The following EHMT1 variants were observed in gnomAD, a reference collection of about 807,000 sequenced individuals.
EHMT1 encodes the protein euchromatic histone lysine methyltransferase 1, also known as histone-lysine N-methyltransferase EHMT1.
EHMT1 carries 15 observed loss-of-function variants against 147.2 expected under a neutral mutation model. The observed-to-expected ratio is 0.10, with a 90% CI of 0.07 to 0.16. EHMT1 has a LOEUF of 0.16. Ranked by LOEUF, EHMT1 falls within the 10% of genes least tolerant of loss-of-function variation. The pLI is 1.00. For missense variants in EHMT1, 1,587 were observed against 1,772.4 expected (o/e 0.90, Z 1.88); for synonymous variants, 795 against 709.6 (o/e 1.12, Z -1.91).
At chr9:137,767,586 G>T (rs1950297027) in intron 10 of EHMT1, among the ~76,000 whole-genome samples, 1 of 152,198 alleles carries the variant, frequency 6.6e-6, no homozygotes, top group Non-Finnish European at 1.5e-5. Context: ...GCTGAGGTGG[G>T]TGGATTGCTT....
intron 18 of EHMT1, among the ~76,000 whole-genome samples, chr9:137,804,998 G>A (rs1431313449): frequency 6.6e-6 from 1 of 151,880 alleles, no homozygotes; most frequent in Non-Finnish European, 1.5e-5. Context: ...GTGTCCACAT[G>A]TGTCAGTTGT....
chr9:137,635,943 G>T (rs1039316212), intron 1 of EHMT1, among the ~76,000 whole-genome samples: 2 of 149,980 alleles, frequency 1.3e-5, no homozygotes, highest in Admixed American at 6.6e-5. Context: ...TTTTTGAGAT[G>T]GGGAGTCTTG....
At chr9:137,709,063 C>T (rs1269868984) in intron 1 of EHMT1, among the ~76,000 whole-genome samples, 5 of 152,228 alleles carry the variant, frequency 3.3e-5, no homozygotes, top group African/African-American at 1.2e-4. Context: ...CTGGAGTACA[C>T]TTCGGTGTCC....
chr9:137,683,303 G>A (rs1406222152), intron 1 of EHMT1, among the ~76,000 whole-genome samples: 1 of 152,212 alleles, frequency 6.6e-6, no homozygotes, highest in African/African-American at 2.4e-5. Context: ...TTGGTGCTAC[G>A]ATAAGGCTAA....
At chr9:137,812,215 G>C (rs2137689183) in intron 19 of EHMT1, among the ~76,000 whole-genome samples, 1 of 152,324 alleles carries the variant, frequency 6.6e-6, no homozygotes, top group Non-Finnish European at 1.5e-5. Flanking sequence ...GCATGTGCCT[G>C]TAACCCCAGC....
chr9:137,671,072 T>G (rs1236068566), intron 1 of EHMT1, among the ~76,000 whole-genome samples: 1 of 152,228 alleles, frequency 6.6e-6, no homozygotes, highest in African/African-American at 2.4e-5. Flanking sequence ...GTCAGAACTC[T>G]GAACCCTTCC....
chr9:137,683,042 G>T (rs1282303133), intron 1 of EHMT1, among the ~76,000 whole-genome samples: 2 of 152,202 alleles, frequency 1.3e-5, no homozygotes, highest in Non-Finnish European at 2.9e-5. Context: ...TCAGTTTCTA[G>T]TTCTTTCCAC....
At chr9:137,684,817 T>C (rs1025159484) in intron 1 of EHMT1, among the ~76,000 whole-genome samples, 3 of 152,214 alleles carry the variant, frequency 2.0e-5, no homozygotes, top group African/African-American at 4.8e-5. Flanking sequence ...TACTGAATTA[T>C]GATATAACTA....
In EHMT1 at chr9:137,761,659, A is replaced by G. The variant is rs951571087; in HGVS notation, c.1502-1016A>G. 4.6e-5 allele frequency among the ~76,000 whole-genome samples: 7 copies of G among 151,906 alleles called. No homozygotes were observed. In the South Asian group the frequency reaches 6.2e-4, roughly 14 times the overall value. ...TTTTTAGTAGAGACGGGGTTTCACC[A>G]TGTTGTCCAGGAGGGTCTCGATCTC... On this transcript the variant is annotated intron_variant, in intron 9 of 26. Transcript: ENST00000460843.
At chr9:137,746,639 G>A (rs1267773696) in intron 6 of EHMT1, 3 of 152,144 alleles carry the variant, frequency 2.0e-5, no homozygotes, top group Admixed American at 2.0e-4. Context: ...CTCAGAATGG[G>A]GGAAGTTTAT....
At chr9:137,771,973 G>T (rs1371019091) in intron 10 of EHMT1, among the ~76,000 whole-genome samples, 1 of 152,126 alleles carries the variant, frequency 6.6e-6, no homozygotes, top group African/African-American at 2.4e-5. Flanking sequence ...CTGAGGAAAG[G>T]CTAGCCCAGG....
At chr9:137,646,855 C>T (rs970307211) in intron 1 of EHMT1, among the ~76,000 whole-genome samples, 2 of 152,194 alleles carry the variant, frequency 1.3e-5, no homozygotes, top group Admixed American at 1.3e-4. Context: ...TCCAGTCCCT[C>T]AGGTTTCCTT....
At chr9:137,761,539 C>T (rs1456094691) in intron 9 of EHMT1, among the ~76,000 whole-genome samples, 7 of 152,194 alleles carry the variant, frequency 4.6e-5, no homozygotes, top group African/African-American at 1.7e-4. Flanking sequence ...CTACAACCTC[C>T]GACTCCCTGG....
Position 137,716,774 on chromosome 9 carries a change from G to A in EHMT1, c.234G>A (p.Arg78=). The stretch of plus-strand genomic sequence containing the variant: ...CAAAGCACACTCAGGACAGCGCAAG[G>A]GTCAACCCCCAGGATGGCACCAACA... ...NAAKHTQDSA[R]VNPQDGTNTL... is the part of the protein sequence containing the mutation. Residue 78 remains arginine (R), a synonymous_variant, in exon 3 of 27, where the codon AGG becomes AGA. Transcript: ENST00000460843. 6.2e-7 allele frequency: 1 copy of A among 1,613,002 alleles called. No individual in the cohort carries two copies. The highest frequency in any genetic ancestry group is 1.3e-5 in the African/African-American group (1 of 74,980).
intron 1 of EHMT1, among the ~76,000 whole-genome samples, chr9:137,669,068 G>T (rs1479039659): frequency 6.6e-6 from 1 of 152,086 alleles, no homozygotes; most frequent in East Asian, 1.9e-4. Flanking sequence ...TCTATTTTTA[G>T]TACAGACGGG....
In EHMT1 at chr9:137,782,341, C is replaced by G; in HGVS notation, c.2326C>G (p.Pro776Ala). Residue 776 changes from proline to alanine, a missense_variant, in exon 15 of 27, where the codon CCA (proline) becomes GCA (alanine). Coordinates refer to ENST00000460843, the MANE Select transcript of EHMT1 (RefSeq NM_024757.5). This position sits in a 1 kb window ranked among gnomAD's most constrained non-coding sequence, Gnocchi z 5.7. ...AATGGAGCACCAGAATAAGCGCTCT[C>G]CACTGCACGCCGCGGCAGAGGCTGG... ...FKMEHQNKRS[P>A]LHAAAEAGHV... The G allele has an allele frequency of 6.2e-7, 1 of 1,613,396 alleles. No homozygotes were observed. Among genetic ancestry groups the G allele is most frequent in the Non-Finnish European group, 8.5e-7 (1 of 1,179,952 alleles).
chr9:137,721,891 G>A (rs1946094687), intron 3 of EHMT1, among the ~76,000 whole-genome samples: 2 of 152,204 alleles, frequency 1.3e-5, no homozygotes, highest in South Asian at 4.2e-4. Context: ...TTTTGATGAA[G>A]TCCGGTTTAT....
intron 1 of EHMT1, among the ~76,000 whole-genome samples, chr9:137,654,245 TC>T (rs1237235332): frequency 3.9e-5 from 6 of 152,060 alleles, no homozygotes; most frequent in African/African-American, 1.2e-4. Flanking sequence ...GTGCCTGTAG[TC>T]CCAGCTGTTC....
intron 1 of EHMT1, among the ~76,000 whole-genome samples, chr9:137,633,513 C>T (rs914120120): frequency 7.9e-5 from 12 of 152,054 alleles, no homozygotes; most frequent in Admixed American, 2.6e-4. Context: ...ATAGCTGTTG[C>T]CATATTCCAG....
Sources: gnomAD v4.1 joint callset for allele counts (sites outside exome capture counted in the v4.1 genomes callset) on GRCh38, gnomAD v4.1.1 for gene constraint, Gnocchi (gnomAD v3.1) non-coding constraint, MANE v1.5 for transcripts, NCBI Gene and HGNC (gene_info 2026-07-23, HGNC 2026-07-21) for gene names.